Variants in DENND1A observed in about 807,000 individuals in gnomAD.
DENND1A encodes the protein DENN domain containing 1A, also known as DENN domain-containing protein 1A.
DENND1A carries 51 observed loss-of-function variants against 113.7 expected under a neutral mutation model. The observed-to-expected ratio is 0.45, with a 90% CI of 0.36 to 0.57. DENND1A has a LOEUF of 0.57. Ranked by LOEUF, DENND1A falls within the 20% of genes least tolerant of loss-of-function variation. DENND1A has a pLI of 0.00. For synonymous variants in DENND1A, 565 were observed against 570.8 expected (o/e 0.99, Z 0.14); for missense variants, 1,258 against 1,395.9 (o/e 0.90, Z 1.57).
chr9:123,556,866 A>AC (rs1474998838), intron 13 of DENND1A, among the ~76,000 whole-genome samples: 1 of 152,362 alleles, frequency 6.6e-6, no homozygotes, highest in Middle Eastern at 3.4e-3. Context: ...AGCTAAGAGG[A>AC]CTGCTACTGC....
At position 123,738,043 on chromosome 9, in the gene DENND1A, A is replaced by C. The variant is rs185800380; in HGVS notation, c.302+19660T>G. Among the ~76,000 whole-genome samples the C allele has an allele frequency of 3.4e-3, 522 of 152,366 alleles. 7 individuals carry two copies. The highest frequency in any genetic ancestry group is 0.011 in the African/African-American group (464 of 41,584). On this transcript the variant is annotated intron_variant, in intron 5 of 23. Coordinates refer to ENST00000394215, the MANE Select transcript of DENND1A (RefSeq NM_001352964.2). ...TAGAAGAGTAAGAAATTGAAATAAG[A>C]GAAACGCTATCCTGAATGTAAAGCA...
chr9:123,495,133 T>A (rs1410296811), intron 13 of DENND1A, among the ~76,000 whole-genome samples: 1 of 50,722 alleles, frequency 2.0e-5, no homozygotes, highest in African/African-American at 6.5e-5. Flanking sequence ...TGACCCATCA[T>A]TGTCTCTTTC....
intron 21 of DENND1A, among the ~76,000 whole-genome samples, chr9:123,392,085 G>A (rs1323043612): frequency 1.3e-5 from 2 of 152,180 alleles, no homozygotes; most frequent in Admixed American, 6.5e-5. Flanking sequence ...CGGTTAGCGC[G>A]CGCGTGTGAC....
At chr9:123,615,180 AG>A in intron 10 of DENND1A, among the ~76,000 whole-genome samples, 1 of 152,334 alleles carries the variant, frequency 6.6e-6, no homozygotes, top group East Asian at 1.9e-4. Context: ...ATTTGCCAAG[AG>A]CCAGCATAGG....
At chr9:123,855,418 G>A (rs1844011420) in intron 2 of DENND1A, among the ~76,000 whole-genome samples, 1 of 152,050 alleles carries the variant, frequency 6.6e-6, no homozygotes, top group South Asian at 2.1e-4. Flanking sequence ...AAGGACAATG[G>A]AAATAAACCA....
intron 19 of DENND1A, among the ~76,000 whole-genome samples, chr9:123,428,423 T>A (rs749246806): frequency 2.1e-4 from 32 of 152,156 alleles, no homozygotes; most frequent in Non-Finnish European, 4.4e-4. Context: ...GAGCCATATA[T>A]GACAAACCCA....
At position 123,711,513 on chromosome 9, in the gene DENND1A, GTATATATATA is replaced by G. The variant is rs56814463; in HGVS notation, c.303-34734_303-34725del. On this transcript the variant is annotated intron_variant, in intron 5 of 23. Coordinates refer to ENST00000394215, the MANE Select transcript of DENND1A (RefSeq NM_001352964.2). ...TATATATATATATATATGTATATAT[GTATATATATA>G]TATATATATATATATAAATTCAACA... Among the ~76,000 whole-genome samples the G allele has an allele frequency of 8.3e-5, 10 of 121,010 alleles. 1 individual carries two copies. Among genetic ancestry groups the G allele is most frequent in the African/African-American group, 2.0e-4 (6 of 30,594 alleles). The allele number at this position is 121,010 out of a possible 152,430, so 79.4% of individuals were successfully genotyped here.
At chr9:123,691,153 G>C (rs538608059) in intron 5 of DENND1A, among the ~76,000 whole-genome samples, 2 of 152,168 alleles carry the variant, frequency 1.3e-5, no homozygotes, top group African/African-American at 4.8e-5. Flanking sequence ...AATCTGCAAG[G>C]CTGGATCATT....
At chr9:123,423,416 G>A (rs2045470334) in intron 19 of DENND1A, among the ~76,000 whole-genome samples, 1 of 152,204 alleles carries the variant, frequency 6.6e-6, no homozygotes, top group Admixed American at 6.5e-5. Flanking sequence ...TAGACCTTAA[G>A]ACATCTGCAG....
Position 123,535,401 on chromosome 9 carries a change from G to A in DENND1A, c.993+22169C>T, listed in dbSNP as rs377350895. Among the ~76,000 whole-genome samples, 19 of 152,136 alleles carry A rather than the reference G, an allele frequency of 1.2e-4. No individual in the cohort carries two copies. The East Asian group carries it at 2.1e-3, about 17-fold the overall frequency. Reference sequence around the variant, plus strand: ...TTTGAGGCTGTGGTGAGCTATGATCGTGCCACTGCACTCCAGCCTGGGTGA... The same window carrying A: ...TTTGAGGCTGTGGTGAGCTATGATCATGCCACTGCACTCCAGCCTGGGTGA... On this transcript the variant is annotated intron_variant, in intron 13 of 23. Coordinates refer to ENST00000394215, the MANE Select transcript of DENND1A (RefSeq NM_001352964.2).
chr9:123,506,828 C>A (rs963910344), intron 13 of DENND1A, among the ~76,000 whole-genome samples: 9 of 152,030 alleles, frequency 5.9e-5, no homozygotes, highest in African/African-American at 1.7e-4. Flanking sequence ...GCTTTGAGGG[C>A]AAACAGAATA....
intron 11 of DENND1A, among the ~76,000 whole-genome samples, chr9:123,596,478 T>G (rs2059697294): frequency 6.6e-6 from 1 of 152,218 alleles, no homozygotes; most frequent in South Asian, 2.1e-4. Flanking sequence ...AGCTTTATTA[T>G]TCACATTTTA....
Position 123,381,199 on chromosome 9 carries a change from G to T in DENND1A, c.*233C>A, listed in dbSNP as rs1214932693. On this transcript the variant is annotated 3_prime_UTR_variant, in exon 24 of 24. Coordinates refer to ENST00000394215, the MANE Select transcript of DENND1A (RefSeq NM_001352964.2). The surrounding 1 kb of genome is among the most constrained non-coding windows in gnomAD (Gnocchi z 4.7). Reference sequence around the variant, plus strand: ...GGGTGCCGAGGAGAGGCAACCGCGGGGTGGGATGGGCACTCAGGAACTGGG... The same window carrying T: ...GGGTGCCGAGGAGAGGCAACCGCGGTGTGGGATGGGCACTCAGGAACTGGG... 8.6e-6 allele frequency: 5 copies of T among 583,614 alleles called. No homozygotes were observed. The highest frequency in any genetic ancestry group is 1.5e-5 in the Non-Finnish European group (5 of 328,246). 36.2% of individuals were successfully genotyped at this position (583,614 alleles called of 1,614,324 possible).
At chr9:123,782,913 C>G (rs989081055) in intron 3 of DENND1A, among the ~76,000 whole-genome samples, 1 of 151,654 alleles carries the variant, frequency 6.6e-6, no homozygotes, top group African/African-American at 2.4e-5. Flanking sequence ...GGCCCACAGT[C>G]TGGGCTTCAT....
At chr9:123,739,975 G>T (rs190686294) in intron 5 of DENND1A, among the ~76,000 whole-genome samples, 124 of 151,706 alleles carry the variant, frequency 8.2e-4, no homozygotes, top group Admixed American at 7.4e-3. Context: ...AAACACCAAG[G>T]GTTAGAGTCA....
chr9:123,929,788 GT>G (rs1857718113), intron 1 of DENND1A, 100 bp downstream of exon 1: 1 of 173,408 alleles, frequency 5.8e-6, no homozygotes, highest in African/African-American at 2.4e-5. Flanking sequence ...CGCCCCTCTG[GT>G]CTCGGCAACA....
At chr9:123,498,998 C>T (rs1415909058) in intron 13 of DENND1A, among the ~76,000 whole-genome samples, 10 of 151,972 alleles carry the variant, frequency 6.6e-5, no homozygotes, top group Non-Finnish European at 1.2e-4. Context: ...GCTGGGATTA[C>T]AGGCATGAGC....
intron 2 of DENND1A, among the ~76,000 whole-genome samples, chr9:123,830,084 A>C (rs971397269): frequency 1.1e-4 from 17 of 152,210 alleles, no homozygotes; most frequent in African/African-American, 3.9e-4. Context: ...ACTGTGTCTC[A>C]CCTGAATGTT....
At chr9:123,463,453 T>C (rs1447635379) in intron 13 of DENND1A, among the ~76,000 whole-genome samples, 1 of 152,218 alleles carries the variant, frequency 6.6e-6, no homozygotes, top group African/African-American at 2.4e-5. Flanking sequence ...AAATCTCTCA[T>C]CAGATTTTTC....
Sources: allele counts gnomAD v4.1 joint callset (sites outside exome capture counted in the v4.1 genomes callset), GRCh38; gene constraint gnomAD v4.1.1; non-coding constraint Gnocchi (gnomAD v3.1); transcripts MANE v1.5; gene names NCBI Gene and HGNC (gene_info 2026-07-23, HGNC 2026-07-21).